The following CA4 variants were observed in gnomAD, a reference collection of about 807,000 sequenced individuals.
CA4 encodes carbonic anhydrase 4.
In CA4, 24 loss-of-function variants were observed where a neutral mutation model predicts 34.5. The ratio of observed to expected loss-of-function variants is 0.70; its 90% confidence interval spans 0.50 to 0.98. The LOEUF (loss-of-function observed/expected upper bound fraction) is 0.98. Ranked by LOEUF, CA4 falls within the 50% of genes least tolerant of loss-of-function variation. The pLI, the probability that CA4 is intolerant of heterozygous loss-of-function variation, is 0.00. For synonymous variants in CA4, 178 were observed against 170.6 expected (o/e 1.04, Z -0.34); for missense variants, 394 against 396.7 (o/e 0.99, Z 0.06).
At chr17:60,165,373 C>T (rs1457759326) in intron 5 of CA4, among the ~76,000 whole-genome samples, 1 of 152,110 alleles carries the variant, frequency 6.6e-6, no homozygotes, top group Non-Finnish European at 1.5e-5. Flanking sequence ...CTAAGGTCAC[C>T]CAGAGCATCA....
chr17:60,155,255 G>A (rs1395641679), intron 1 of CA4, 59 bp from the exon 2 acceptor site: 18 of 1,510,046 alleles, frequency 1.2e-5, no homozygotes, highest in Non-Finnish European at 1.6e-5. Flanking sequence ...TGATCCTCCT[G>A]TGTGTGTGAG....
At chr17:60,169,262 AAGCAGC>A (rs75260260) in intron 5 of CA4, among the ~76,000 whole-genome samples, 1 of 149,660 alleles carries the variant, frequency 6.7e-6, no homozygotes, top group African/African-American at 2.5e-5. Flanking sequence ...AAAAAAAAAA[AAGCAGC>A]AGCAGCAGCA....
chr17:60,157,853 G>C (rs1422765257), intron 5 of CA4, 65 bp downstream of exon 5: 1 of 1,541,628 alleles, frequency 6.5e-7, no homozygotes, highest in African/African-American at 1.4e-5. Context: ...AGGATTCAGA[G>C]ACCTGGGACT....
At chr17:60,163,098 C>T (rs1043946256), downstream of CA4, among the ~76,000 whole-genome samples, 3 of 151,972 alleles carry the variant, frequency 2.0e-5, no homozygotes, top group East Asian at 1.9e-4. Flanking sequence ...TTGGTTTGCA[C>T]ACTTGCTGGC....
Position 60,159,281 on chromosome 17 carries a change from A to G in CA4, c.796A>G (p.Met266Val), listed in dbSNP as rs1301807370. 2.5e-6 allele frequency: 4 copies of G among 1,610,268 alleles called. No individual in the cohort carries two copies. The highest frequency in any genetic ancestry group is 2.2e-5 in the South Asian group (2 of 90,488). The change falls in exon 8 of 8, where the codon ATG (methionine) becomes GTG (valine). Residue 266 changes from methionine to valine, a missense_variant. By Grantham distance (21) the Met-to-Val change is conservative (BLOSUM62 1). Transcript: ENST00000300900. ...LYYDKEQTVS[M>V]KDNVRPLQQL... ...CTACGACAAGGAACAGACAGTGAGCATGAAGGACAATGTCAGGCCCCTGCA... is the reference window on the plus strand; with the variant it reads ...CTACGACAAGGAACAGACAGTGAGCGTGAAGGACAATGTCAGGCCCCTGCA...
At chr17:60,176,231 A>C in the CA4 span, among the ~76,000 whole-genome samples, 3 of 151,970 alleles carry the variant, frequency 2.0e-5, no homozygotes, top group African/African-American at 4.8e-5. Flanking sequence ...CAAAACAAAC[A>C]AAAAAAACCC....
intron 2 of CA4, among the ~76,000 whole-genome samples, chr17:60,155,685 CACAA>C (rs1352188305): frequency 2.6e-5 from 4 of 151,974 alleles, no homozygotes; most frequent in Admixed American, 6.6e-5. Context: ...CACTCACACA[CACAA>C]ACACACACTC....
chr17:60,158,226 G>A, intron 6 of CA4, 57 bp from the exon 7 acceptor site: 1 of 1,607,852 alleles, frequency 6.2e-7, no homozygotes, highest in African/African-American at 1.3e-5. Flanking sequence ...CAGAGTGCAG[G>A]GGAAGAGGGG....
exon 6 of CA4, chr17:60,170,804 T>C (rs1293966099): frequency 2.0e-5 from 3 of 152,272 alleles, no homozygotes; most frequent in Non-Finnish European, 4.4e-5. Context: ...ATGGTCATGG[T>C]ACCCTGATCC....
the CA4 span, among the ~76,000 whole-genome samples, chr17:60,176,209 AAAAACAAACAAC>A: frequency 6.6e-6 from 1 of 152,214 alleles, no homozygotes; most frequent in African/African-American, 2.4e-5. Context: ...AAGGAGGTAA[AAAAACAAACAAC>A]AAAACAAACA....
chr17:60,164,366 G>GTCTT (rs1343169197), downstream of CA4, among the ~76,000 whole-genome samples: 27 of 142,218 alleles, frequency 1.9e-4, no homozygotes, highest in African/African-American at 5.8e-4. Context: ...CTGTCTGTCT[G>GTCTT]TCTGTCTTTC....
At chr17:60,150,785 G>A (rs906846839) in intron 1 of CA4, among the ~76,000 whole-genome samples, 2 of 150,268 alleles carry the variant, frequency 1.3e-5, no homozygotes, top group Non-Finnish European at 3.0e-5. Flanking sequence ...CTGGGACTCA[G>A]CGCTGGGTGA....
intron 5 of CA4, among the ~76,000 whole-genome samples, chr17:60,169,768 C>T (rs552198856): frequency 3.3e-5 from 5 of 152,328 alleles, no homozygotes; most frequent in East Asian, 3.9e-4. Flanking sequence ...GGATTACAGG[C>T]GTGAGCCACT....
rs2627895 is a variant in CA4, at chr17:60,155,523, A to T, written c.112+156A>T. ...TACACACACACACACACACACACAC[A>T]CTCTCTCTCTCTCTCTCACACACAC... On this transcript the variant is annotated intron_variant, in intron 2 of 7. Coordinates refer to ENST00000300900, the MANE Select transcript of CA4 (RefSeq NM_000717.5). 7.9e-3 allele frequency among the ~76,000 whole-genome samples: 1,158 copies of T among 146,342 alleles called. 8 individuals carry two copies. Among genetic ancestry groups the T allele is most frequent in the East Asian group, 0.015 (74 of 4,956 alleles).
chr17:60,156,421 C>T lies in CA4; in HGVS notation c.113-139C>T, dbSNP rs59072796. 124 of 835,402 alleles carry T rather than the reference C, an allele frequency of 1.5e-4. No homozygotes were observed. The African/African-American group carries it at 1.8e-3, about 12-fold the overall frequency. The allele number at this position is 835,402 out of a possible 1,614,324, so 51.7% of individuals were successfully genotyped here. On this transcript the variant is annotated intron_variant, in intron 2 of 7. Transcript: ENST00000300900. Reference sequence around the variant, plus strand: ...AGAGTGGAGTTCGGAGCTGAGCATCCCTGCAGCACAGCCTTCAGGCCACCC... The same window carrying T: ...AGAGTGGAGTTCGGAGCTGAGCATCTCTGCAGCACAGCCTTCAGGCCACCC...
chr17:60,155,498 T>TAC (rs3830362), intron 2 of CA4, 131 bp downstream of exon 2: 16,064 of 566,756 alleles, frequency 0.028, 135 homozygotes, highest in East Asian at 0.049. Flanking sequence ...GTTCCCAGCA[T>TAC]ACACACACAC....
intron 2 of CA4, among the ~76,000 whole-genome samples, 196 bp from the exon 3 acceptor site, chr17:60,156,364 T>TGGA (rs1003331499): frequency 2.6e-5 from 4 of 151,920 alleles, no homozygotes; most frequent in Non-Finnish European, 5.9e-5. Context: ...TATGTTTCTG[T>TGGA]GGAGGAGGAG....
In CA4 at chr17:60,159,475, AGGCTTCC is replaced by A; in HGVS notation, c.*54_*60del. The A allele has an allele frequency of 6.3e-7, 1 of 1,581,838 alleles. No homozygotes were observed. The highest frequency in any genetic ancestry group is 8.6e-7 in the Non-Finnish European group (1 of 1,160,860). On this transcript the variant is annotated 3_prime_UTR_variant, in exon 8 of 8. Transcript: ENST00000300900. The stretch of plus-strand genomic sequence containing the variant: ...CTGTTGCCTCAGCTCTCCAAGTTCC[AGGCTTCC>A]GGTCCTTAGCCTTCCCAGGTGGGAC...
At chr17:60,178,628 G>A in the CA4 span, among the ~76,000 whole-genome samples, 1 of 152,126 alleles carries the variant, frequency 6.6e-6, no homozygotes, top group African/African-American at 2.4e-5. Context: ...ATATGCCCCT[G>A]CCACCAATGA....
Sources: gnomAD v4.1 joint callset for allele counts (sites outside exome capture counted in the v4.1 genomes callset) on GRCh38, gnomAD v4.1.1 for gene constraint, MANE v1.5 for transcripts, NCBI Gene and HGNC (gene_info 2026-07-23, HGNC 2026-07-21) for gene names.